Variants in SFMBT1 observed in about 807,000 individuals in gnomAD.
SFMBT1 encodes Scm like with four mbt domains 1.
SFMBT1 carries 32 observed loss-of-function variants against 108.7 expected under a neutral mutation model. The ratio of observed to expected loss-of-function variants is 0.29; its 90% CI spans 0.22 to 0.40. The LOEUF is 0.40. SFMBT1 is among the 10% of genes least tolerant of loss of function. The pLI is 1.00. For missense variants in SFMBT1, 816 were observed against 1,059.6 expected (o/e 0.77, Z 3.19); for synonymous variants, 348 against 369.5 (o/e 0.94, Z 0.67).
chr3:52,959,307 G>A (rs1022862815), intron 2 of SFMBT1, among the ~76,000 whole-genome samples: 1 of 152,122 alleles, frequency 6.6e-6, no homozygotes, highest in East Asian at 1.9e-4. Context: ...ATTTCAAATC[G>A]AATCACTTCC....
chr3:52,946,746 T>C (rs1291469525), intron 3 of SFMBT1, among the ~76,000 whole-genome samples: 4 of 151,494 alleles, frequency 2.6e-5, no homozygotes, highest in Non-Finnish European at 4.4e-5. Flanking sequence ...AGTTTCCCAA[T>C]AGCATATGAG....
chr3:52,988,986 A>G (rs1397149034), intron 1 of SFMBT1, among the ~76,000 whole-genome samples: 1 of 152,196 alleles, frequency 6.6e-6, no homozygotes, highest in Non-Finnish European at 1.5e-5. Flanking sequence ...TCAATCTAAC[A>G]TATGTAAACA....
chr3:53,031,565 C>A, intron 1 of SFMBT1, among the ~76,000 whole-genome samples: 1 of 150,254 alleles, frequency 6.7e-6, no homozygotes, highest in East Asian at 2.0e-4. Context: ...TTTTAAAAAC[C>A]TGAACATTCA....
chr3:52,996,180 C>G (rs1014348484), intron 1 of SFMBT1, among the ~76,000 whole-genome samples: 1 of 139,578 alleles, frequency 7.2e-6, no homozygotes, highest in South Asian at 2.3e-4. Flanking sequence ...GGATTTATAT[C>G]AAAAAGCTCT....
chr3:52,917,260 A>G (rs1434862835), intron 13 of SFMBT1, among the ~76,000 whole-genome samples: 1 of 152,196 alleles, frequency 6.6e-6, no homozygotes, highest in East Asian at 1.9e-4. Context: ...ACTCAAATTC[A>G]TATGTTGAAG....
intron 4 of SFMBT1, among the ~76,000 whole-genome samples, chr3:52,937,320 T>A (rs541792297): frequency 6.6e-6 from 1 of 152,342 alleles, no homozygotes; most frequent in South Asian, 2.1e-4. Flanking sequence ...CATACTTTCA[T>A]ATTTTACTGT....
At chr3:52,921,264 G>C (rs541689445) in intron 11 of SFMBT1, among the ~76,000 whole-genome samples, 9 of 152,262 alleles carry the variant, frequency 5.9e-5, no homozygotes, top group African/African-American at 2.2e-4. Context: ...GAGTACTCAC[G>C]CAGCGCCTTG....
intron 1 of SFMBT1, among the ~76,000 whole-genome samples, chr3:52,990,075 G>T (rs949737661): frequency 3.3e-5 from 5 of 152,124 alleles, no homozygotes; most frequent in African/African-American, 1.2e-4. Flanking sequence ...CTTGGGAGGG[G>T]TTGTTCATTT....
At chr3:52,992,465 T>A (rs9839966) in intron 1 of SFMBT1, among the ~76,000 whole-genome samples, 2,885 of 152,180 alleles carry the variant, frequency 0.019, 88 homozygotes, top group African/African-American at 0.063. Flanking sequence ...ATAAAAAAAA[T>A]TTTTTTAATA....
At chr3:52,918,396 C>T in intron 13 of SFMBT1, 88 bp downstream of exon 13, 1 of 1,036,778 alleles carries the variant, frequency 9.6e-7, no homozygotes, top group Non-Finnish European at 1.4e-6. Context: ...ATGCTTCCAT[C>T]TGAGAAAATG....
intron 2 of SFMBT1, among the ~76,000 whole-genome samples, chr3:52,956,691 G>A (rs1002030579): frequency 7.9e-5 from 12 of 152,140 alleles, no homozygotes; most frequent in African/African-American, 2.9e-4. Flanking sequence ...AACCGGGGAG[G>A]TGGAGGTTGC....
In SFMBT1 at chr3:52,945,136, T is replaced by TAAAA. The variant is rs367727549; in HGVS notation, c.124-1547_124-1544dup. On this transcript the variant is annotated intron_variant, in intron 3 of 20. Coordinates refer to ENST00000394752, the MANE Select transcript of SFMBT1 (RefSeq NM_016329.4). Reference sequence around the variant, plus strand: ...TGATTTCCAAATACCACCTTCCAATTAAAAAAAAAAAAAAACAAGGACTTC... The same window carrying TAAAA: ...TGATTTCCAAATACCACCTTCCAATTAAAAAAAAAAAAAAAAAAACAAGGACTTC... 8.9e-4 allele frequency among the ~76,000 whole-genome samples: 43 copies of TAAAA among 48,512 alleles called. 8 individuals carry two copies. Among genetic ancestry groups the TAAAA allele is most frequent in the Non-Finnish European group, 1.1e-3 (24 of 22,214 alleles). The allele number at this position is 48,512 out of a possible 152,430, so 31.8% of individuals were successfully genotyped here. A position where few individuals can be genotyped will look rare whatever the true frequency, so the allele number is the denominator to read the frequency against.
At position 52,945,136 on chromosome 3, in the gene SFMBT1, T is replaced by TAAAAAAAAAAAAAAAA. The variant is rs367727549; in HGVS notation, c.124-1544_124-1543insTTTTTTTTTTTTTTTT. 2.1e-3 allele frequency among the ~76,000 whole-genome samples: 102 copies of TAAAAAAAAAAAAAAAA among 48,500 alleles called. 10 individuals carry two copies. The highest frequency in any genetic ancestry group is 7.8e-3 in the South Asian group (6 of 774). 31.8% of individuals were successfully genotyped at this position (48,500 alleles called of 152,430 possible). ...TGATTTCCAAATACCACCTTCCAATTAAAAAAAAAAAAAAACAAGGACTTC... is the reference window on the plus strand; with the variant it reads ...TGATTTCCAAATACCACCTTCCAATTAAAAAAAAAAAAAAAAAAAAAAAAAAAAAAACAAGGACTTC... On this transcript the variant is annotated intron_variant, in intron 3 of 20. Coordinates refer to ENST00000394752, the MANE Select transcript of SFMBT1 (RefSeq NM_016329.4).
intron 1 of SFMBT1, among the ~76,000 whole-genome samples, chr3:53,030,319 A>G (rs1467784987): frequency 6.6e-6 from 1 of 152,168 alleles, no homozygotes; most frequent in African/African-American, 2.4e-5. Context: ...ATGTTTCTAT[A>G]AAAATACAAA....
chr3:52,913,810 G>T (rs1056966782), intron 14 of SFMBT1, among the ~76,000 whole-genome samples, 193 bp from the exon 15 acceptor site: 2 of 152,140 alleles, frequency 1.3e-5, no homozygotes, highest in African/African-American at 4.8e-5. Flanking sequence ...TCACTCTGCT[G>T]AAATCAAAGA....
At chr3:52,937,153 CTTT>C (rs981383023) in intron 4 of SFMBT1, among the ~76,000 whole-genome samples, 3 of 152,016 alleles carry the variant, frequency 2.0e-5, no homozygotes, top group Non-Finnish European at 4.4e-5. Context: ...ACATTTCATT[CTTT>C]ATTTGCTTTT....
intron 4 of SFMBT1, among the ~76,000 whole-genome samples, chr3:52,938,982 G>T (rs1287281179): frequency 6.6e-6 from 1 of 152,096 alleles, no homozygotes; most frequent in Non-Finnish European, 1.5e-5. Flanking sequence ...GTTCAGTTTG[G>T]CTAGATATAA....
intron 1 of SFMBT1, among the ~76,000 whole-genome samples, chr3:52,997,116 T>C (rs1344635801): frequency 6.7e-6 from 1 of 149,172 alleles, no homozygotes; most frequent in Non-Finnish European, 1.5e-5. Context: ...CATAGACTTA[T>C]CATACAACCA....
At chr3:53,037,020 T>C (rs1443364037) in intron 1 of SFMBT1, among the ~76,000 whole-genome samples, 1 of 152,180 alleles carries the variant, frequency 6.6e-6, no homozygotes, top group Non-Finnish European at 1.5e-5. Context: ...GGGAATCCTC[T>C]GAAGGAGGCT....
Sources: gnomAD v4.1 joint callset for allele counts (sites outside exome capture counted in the v4.1 genomes callset) on GRCh38, gnomAD v4.1.1 for gene constraint, MANE v1.5 for transcripts, NCBI Gene and HGNC (gene_info 2026-07-23, HGNC 2026-07-21) for gene names.